Variants in MCCC2 observed in about 807,000 individuals in gnomAD.
MCCC2 encodes the protein methylcrotonyl-CoA carboxylase subunit 2, also known as methylcrotonoyl-CoA carboxylase beta chain, mitochondrial.
In MCCC2, 52 loss-of-function variants were observed where a neutral mutation model predicts 77.2. That is an observed-to-expected ratio of 0.67 (90% CI 0.54 to 0.85). The LOEUF (loss-of-function observed/expected upper bound fraction) is 0.85. MCCC2 is among the 40% of genes least tolerant of loss of function. MCCC2 has a pLI of 0.00. For missense variants in MCCC2, 682 were observed against 703.2 expected (o/e 0.97, Z 0.34); for synonymous variants, 253 against 248.4 (o/e 1.02, Z -0.18).
chr5:71,645,918 C>T (rs1025243786), intron 12 of MCCC2, among the ~76,000 whole-genome samples: 9 of 151,990 alleles, frequency 5.9e-5, no homozygotes, highest in Non-Finnish European at 1.2e-4. Flanking sequence ...TATTCTTAGC[C>T]AGGAGTGGTA....
At chr5:71,592,830 A>C (rs1441921648) in intron 1 of MCCC2, 96 bp from the exon 2 acceptor site, 1 of 1,001,264 alleles carries the variant, frequency 1.0e-6, no homozygotes. Flanking sequence ...GAGTTGGCAC[A>C]GACCACTGTT....
At chr5:71,593,365 T>C (rs1458755642) in intron 2 of MCCC2, among the ~76,000 whole-genome samples, 1 of 151,902 alleles carries the variant, frequency 6.6e-6, no homozygotes, top group Non-Finnish European at 1.5e-5. Flanking sequence ...GCTGCAATTA[T>C]AGGCGTGAGC....
chr5:71,641,403 A>C (rs973235563), intron 11 of MCCC2: 2 of 329,562 alleles, frequency 6.1e-6, no homozygotes, highest in Admixed American at 9.6e-5. Flanking sequence ...GATAACAATA[A>C]TTATTTTGAA....
rs10064079 is a variant in MCCC2 at position 71,649,248 on chromosome 5, A to G, written c.1368A>G (p.Ala456=). 1,397,286 of 1,613,210 alleles carry G rather than the reference A, an allele frequency of 0.87. 606,999 individuals carry two copies. Among genetic ancestry groups the G allele is most frequent in the East Asian group, 0.97 (43,667 of 44,878 alleles). The change falls in exon 14 of 17, where the codon GCA becomes GCG. Residue 456 remains alanine, a synonymous_variant. Coordinates refer to ENST00000340941, the MANE Select transcript of MCCC2 (RefSeq NM_022132.5). The stretch of plus-strand genomic sequence containing the variant: ...GAAACTATGGGATGTGTGGCAGAGC[A>G]TATAGGTAGGTGTCATGATTTTCTC... ...GAGNYGMCGR[A]YSPRFLYIWP...
At chr5:71,626,195 G>A (rs748052392) in intron 6 of MCCC2, among the ~76,000 whole-genome samples, 2 of 152,062 alleles carry the variant, frequency 1.3e-5, no homozygotes, top group Admixed American at 6.5e-5. Flanking sequence ...TACATCCAGC[G>A]TAACACAAAA....
At chr5:71,633,131 A>ATTT (rs1306338509) in intron 8 of MCCC2, among the ~76,000 whole-genome samples, 4 of 78,094 alleles carry the variant, frequency 5.1e-5, no homozygotes, top group African/African-American at 2.0e-4. Context: ...ATATATATAT[A>ATTT]TTTTTATTTT....
chr5:71,628,450 T>G (rs2112417211), intron 7 of MCCC2, among the ~76,000 whole-genome samples: 1 of 152,340 alleles, frequency 6.6e-6, no homozygotes, highest in African/African-American at 2.4e-5. Context: ...CCAAGAAGCC[T>G]TTGCCTAACC....
rs1745187009 is a variant in MCCC2, at chr5:71,596,333, A to G, written c.250A>G (p.Arg84Gly). ...CATATCAAGAGGAAAACTATTGCCC[A>G]GAGAAAGAATTGACAATCTCATAGA... ...LHISRGKLLP[R>G]ERIDNLIDPG... Residue 84 changes from arginine to glycine, a missense_variant, in exon 3 of 17, where the codon AGA (arginine) becomes GGA (glycine). By Grantham distance (125) the Arg-to-Gly change is moderately radical (BLOSUM62 -2). Transcript: ENST00000340941. 6 of 1,614,200 alleles carry G rather than the reference A, an allele frequency of 3.7e-6. No individual in the cohort carries two copies. Among genetic ancestry groups the G allele is most frequent in the South Asian group, 2.2e-5 (2 of 91,082 alleles).
intron 12 of MCCC2, among the ~76,000 whole-genome samples, chr5:71,644,233 T>C (rs1561846409): frequency 6.6e-6 from 1 of 152,200 alleles, no homozygotes; most frequent in Non-Finnish European, 1.5e-5. Flanking sequence ...ATAGAGGACA[T>C]GTACATATTC....
At chr5:71,652,163 G>C (rs956030463) in intron 15 of MCCC2, among the ~76,000 whole-genome samples, 2 of 152,158 alleles carry the variant, frequency 1.3e-5, no homozygotes, top group Non-Finnish European at 1.5e-5. Context: ...TGATGGGAAG[G>C]CTGTGAAATT....
At chr5:71,591,184 A>G (rs1257957180) in intron 1 of MCCC2, among the ~76,000 whole-genome samples, 1 of 152,222 alleles carries the variant, frequency 6.6e-6, no homozygotes, top group Non-Finnish European at 1.5e-5. Context: ...GTGTTCTGTC[A>G]AACAGAAGGA....
At chr5:71,636,213 G>A (rs899435548) in intron 10 of MCCC2, 3 of 290,604 alleles carry the variant, frequency 1.0e-5, no homozygotes, top group Non-Finnish European at 1.4e-5. Flanking sequence ...TGGATATAAT[G>A]TTCTGTTGTA....
At chr5:71,598,368 G>A (rs961182437) in intron 3 of MCCC2, among the ~76,000 whole-genome samples, 3 of 151,772 alleles carry the variant, frequency 2.0e-5, no homozygotes, top group African/African-American at 7.2e-5. Context: ...CACACCAGCC[G>A]ATAAGTGAGT....
chr5:71,596,969 T>A (rs1442612566), intron 3 of MCCC2, among the ~76,000 whole-genome samples: 2 of 149,094 alleles, frequency 1.3e-5, no homozygotes, highest in African/African-American at 4.9e-5. Context: ...AATTCTGTAG[T>A]GTGTTAGTAA....
chr5:71,637,558 A>G (rs894412018), intron 10 of MCCC2, among the ~76,000 whole-genome samples: 6 of 152,210 alleles, frequency 3.9e-5, no homozygotes, highest in African/African-American at 1.4e-4. Flanking sequence ...CTTGATGCTA[A>G]TGACAGCCAA....
intron 2 of MCCC2, among the ~76,000 whole-genome samples, chr5:71,593,520 C>A (rs994306793): frequency 6.6e-6 from 1 of 151,322 alleles, no homozygotes; most frequent in African/African-American, 2.4e-5. Context: ...GATTCAAATT[C>A]ATAAATTTTA....
rs1747397512 is a variant in MCCC2, at chr5:71,650,176, G to T, written c.1481G>T (p.Gly494Val). 3 of 1,614,058 alleles carry T rather than the reference G, an allele frequency of 1.9e-6. No homozygotes were observed. The highest frequency in any genetic ancestry group is 2.5e-6 in the Non-Finnish European group (3 of 1,179,914). The change falls in exon 15 of 17, where the codon GGA becomes GTA. Residue 494 changes from glycine to valine, a missense_variant. Coordinates refer to ENST00000340941, the MANE Select transcript of MCCC2 (RefSeq NM_022132.5). ...ACAAAGGACCAAAGAGCCCGGGAAG[G>T]AAAGCAGGTCGGTGTCGTTTTCTCT... ...TITKDQRARE[G>V]KQFSSADEAA...
chr5:71,652,828 T>C (rs1747477095), intron 16 of MCCC2, 74 bp downstream of exon 16: 1 of 1,189,320 alleles, frequency 8.4e-7, no homozygotes, highest in Non-Finnish European at 1.3e-6. Flanking sequence ...CAGAGCTCTG[T>C]GTAGTTGAGA....
chr5:71,642,987 A>G (rs1176566551), intron 11 of MCCC2, among the ~76,000 whole-genome samples: 1 of 151,868 alleles, frequency 6.6e-6, no homozygotes, highest in East Asian at 1.9e-4. Flanking sequence ...TGGGCGACAG[A>G]AAAAGACCCT....
Sources: allele counts gnomAD v4.1 joint callset (sites outside exome capture counted in the v4.1 genomes callset), GRCh38; gene constraint gnomAD v4.1.1; transcripts MANE v1.5; gene names NCBI Gene and HGNC (gene_info 2026-07-23, HGNC 2026-07-21).